LINGO2: variants seen among roughly 807,000 people sequenced by gnomAD.
LINGO2 encodes leucine-rich repeat and immunoglobulin-like domain-containing nogo receptor-interacting protein 2.
LINGO2 carries 14 observed loss-of-function variants against 30.6 expected under a neutral mutation model. The observed-to-expected ratio is 0.46, with a 90% CI of 0.30 to 0.72. LINGO2 has a LOEUF of 0.72. Among genes scored for constraint, LINGO2 ranks in the 30% least tolerant of loss-of-function variants. LINGO2 has a pLI of 0.07. For missense variants in LINGO2, 729 were observed against 751.7 expected, an observed-to-expected ratio of 0.97 and a Z score of 0.35; for synonymous variants, 317 against 288.5, an observed-to-expected ratio of 1.10 and a Z score of -1.00.
At chr9:29,079,003 T>C in the LINGO2 span, among the ~76,000 whole-genome samples, 1 of 151,910 alleles carries the variant, frequency 6.6e-6, no homozygotes, top group African/African-American at 2.4e-5. Context: ...TAAATCCCCA[T>C]TTTACAAATG....
chr9:28,864,279 T>A, the LINGO2 span, among the ~76,000 whole-genome samples: 2 of 152,098 alleles, frequency 1.3e-5, no homozygotes, highest in Non-Finnish European at 2.9e-5. Context: ...ACCTGAGTGT[T>A]TTTTCCTCTG....
chr9:28,831,070 A>C, the LINGO2 span, among the ~76,000 whole-genome samples: 18 of 152,192 alleles, frequency 1.2e-4, no homozygotes, highest in East Asian at 1.9e-4. Flanking sequence ...TTCTTTTGGT[A>C]TGTAAGGGAT....
chr9:28,503,608 A>G (rs756702825), intron 1 of LINGO2, among the ~76,000 whole-genome samples: 41 of 152,040 alleles, frequency 2.7e-4, no homozygotes, highest in Non-Finnish European at 5.0e-4. Flanking sequence ...TCAGTTTTCC[A>G]TAGAGTAAAA....
the LINGO2 span, among the ~76,000 whole-genome samples, chr9:28,727,059 C>A: frequency 6.6e-6 from 1 of 152,110 alleles, no homozygotes; most frequent in Non-Finnish European, 1.5e-5. Flanking sequence ...TCCTGCTAGA[C>A]CCCTGACTAA....
rs540933430 is a variant in LINGO2, at chr9:28,348,352, G to C, written c.-246+24484C>G. On this transcript the variant is annotated intron_variant, in intron 3 of 5. Transcript: ENST00000379992. ...CTCACTTGGGAAGCGCAAGGGGTCAGAGAGTTCCCTTTCTGAGTCAAAGAA... is the reference window on the plus strand; with the variant it reads ...CTCACTTGGGAAGCGCAAGGGGTCACAGAGTTCCCTTTCTGAGTCAAAGAA... Among the ~76,000 whole-genome samples, 25 of 152,160 alleles carry C rather than the reference G, an allele frequency of 1.6e-4. 1 individual carries two copies. Among genetic ancestry groups the C allele is most frequent in the Non-Finnish European group, 2.6e-4 (18 of 68,026 alleles).
At position 28,147,379 on chromosome 9, in the gene LINGO2, T is replaced by C. The variant is rs1404087378; in HGVS notation, c.-86-134974A>G. Among the ~76,000 whole-genome samples, 1 of 152,092 alleles carries C rather than the reference T, an allele frequency of 6.6e-6. No homozygotes were observed. The stretch of plus-strand genomic sequence containing the variant: ...AGACCCTGCCTGCCAGGGAGGCATG[T>C]GGTAAGAGGCGCATCCAGTCAGGTC... On this transcript the variant is annotated intron_variant, in intron 4 of 5. Transcript: ENST00000379992. This position sits in a 1 kb window ranked among gnomAD's most constrained non-coding sequence, Gnocchi z 4.7.
At chr9:28,344,120 T>C (rs942790083) in intron 3 of LINGO2, among the ~76,000 whole-genome samples, 2 of 152,172 alleles carry the variant, frequency 1.3e-5, no homozygotes, top group African/African-American at 4.8e-5. Context: ...AATGATTCAG[T>C]AAATAAATTT....
intron 3 of LINGO2, among the ~76,000 whole-genome samples, chr9:28,302,312 G>A (rs1824179607): frequency 1.3e-5 from 2 of 152,192 alleles, no homozygotes; most frequent in South Asian, 4.1e-4. Context: ...CCACCCTCAA[G>A]AACAGTGCCA....
chr9:28,729,662 G>GA, the LINGO2 span, among the ~76,000 whole-genome samples: 1 of 151,448 alleles, frequency 6.6e-6, no homozygotes, highest in South Asian at 2.1e-4. Flanking sequence ...AGAAATCCCT[G>GA]AAAAAGCAGG....
the LINGO2 span, among the ~76,000 whole-genome samples, chr9:28,960,933 C>T: frequency 6.6e-6 from 1 of 151,938 alleles, no homozygotes; most frequent in Non-Finnish European, 1.5e-5. Context: ...TTAATATTCA[C>T]TACATATGAA....
the LINGO2 span, among the ~76,000 whole-genome samples, chr9:28,794,315 A>AAACAAAACAT: frequency 6.6e-6 from 1 of 152,050 alleles, no homozygotes; most frequent in South Asian, 2.1e-4. Context: ...AAACAAAACA[A>AAACAAAACAT]AACAAAACCA....
chr9:28,855,965 CT>C, the LINGO2 span, among the ~76,000 whole-genome samples: 1 of 152,038 alleles, frequency 6.6e-6, no homozygotes, highest in South Asian at 2.1e-4. Flanking sequence ...AAAACCTTCT[CT>C]TTTGGACCTT....
chr9:28,762,354 G>C, the LINGO2 span, among the ~76,000 whole-genome samples: 1 of 151,926 alleles, frequency 6.6e-6, no homozygotes, highest in African/African-American at 2.4e-5. Context: ...TGAAAAGGAG[G>C]CCTAGCATGA....
intron 2 of LINGO2, among the ~76,000 whole-genome samples, chr9:28,414,443 T>C (rs551774740): frequency 6.6e-6 from 1 of 152,214 alleles, no homozygotes; most frequent in East Asian, 1.9e-4. Context: ...TTGCAAGTCT[T>C]CAAAACCTGC....
chr9:28,314,681 A>C (rs1268588113), intron 3 of LINGO2, among the ~76,000 whole-genome samples: 2 of 152,194 alleles, frequency 1.3e-5, no homozygotes, highest in African/African-American at 4.8e-5. Context: ...CAGTGGAAAC[A>C]ATGGCAAAGA....
chr9:28,477,348 G>A (rs974509547), intron 1 of LINGO2, among the ~76,000 whole-genome samples: 1 of 151,952 alleles, frequency 6.6e-6, no homozygotes, highest in Non-Finnish European at 1.5e-5. Context: ...TTAATGATGA[G>A]AAAAATGAGG....
At chr9:27,969,015 T>A (rs1563865943) in intron 5 of LINGO2, among the ~76,000 whole-genome samples, 1 of 152,058 alleles carries the variant, frequency 6.6e-6, no homozygotes, top group East Asian at 1.9e-4. Context: ...GGAATCACAT[T>A]AATATTTACA....
chr9:28,864,689 G>T, the LINGO2 span, among the ~76,000 whole-genome samples: 8 of 152,024 alleles, frequency 5.3e-5, no homozygotes, highest in African/African-American at 1.9e-4. Flanking sequence ...TGTCAGTGTA[G>T]GTCACTGCTC....
chr9:28,897,897 G>T, the LINGO2 span, among the ~76,000 whole-genome samples: 2 of 151,900 alleles, frequency 1.3e-5, no homozygotes, highest in Non-Finnish European at 2.9e-5. Flanking sequence ...TTAGATTTAG[G>T]TTTTATTTAA....
Sources: gnomAD v4.1 joint callset for allele counts (sites outside exome capture counted in the v4.1 genomes callset) on GRCh38, gnomAD v4.1.1 for gene constraint, Gnocchi (gnomAD v3.1) non-coding constraint, MANE v1.5 for transcripts, NCBI Gene and HGNC (gene_info 2026-07-23, HGNC 2026-07-21) for gene names.